STXBP4: variants seen among roughly 807,000 people sequenced by gnomAD.
STXBP4 encodes the protein syntaxin binding protein 4.
Under a neutral mutation model 76.1 loss-of-function variants are expected in STXBP4, and 55 were observed. That is an observed-to-expected ratio of 0.72 (90% confidence interval 0.58 to 0.91). STXBP4 has a LOEUF of 0.91. STXBP4 is among the 40% of genes least tolerant of loss of function. STXBP4 has a pLI of 0.00. For missense variants in STXBP4, 618 were observed against 636.9 expected, an observed-to-expected ratio of 0.97 and a Z score of 0.32; for synonymous variants, 201 against 220.2, an observed-to-expected ratio of 0.91 and a Z score of 0.77.
intron 8 of STXBP4, among the ~76,000 whole-genome samples, chr17:55,008,501 T>G (rs1376629925): frequency 6.6e-6 from 1 of 152,068 alleles, no homozygotes; most frequent in African/African-American, 2.4e-5. Context: ...AAAAGACAGA[T>G]TAACGAGAAA....
intron 1 of STXBP4, among the ~76,000 whole-genome samples, chr17:54,975,192 G>A (rs1425132341): frequency 6.6e-6 from 1 of 152,168 alleles, no homozygotes; most frequent in African/African-American, 2.4e-5. Context: ...AGGCTGGAGT[G>A]CAATGGCATG....
chr17:55,079,600 A>C (rs2079231694), intron 15 of STXBP4, among the ~76,000 whole-genome samples: 2 of 8,314 alleles, frequency 2.4e-4, no homozygotes, highest in East Asian at 0.013. Flanking sequence ...TATCTCTACA[A>C]AAAAAAAAAA....
At position 54,999,752 on chromosome 17, in the gene STXBP4, A is replaced by C; in HGVS notation, c.408A>C (p.Thr136=). ...GAGAATATGGACCTCAAGCCTCAAC[A>C]TTAAGTCTTTTTTCTTCTCCTCCTG... ...ASGEYGPQAS[T]LSLFSSPPEI... The change falls in exon 6 of 18, where the codon ACA becomes ACC. Residue 136 remains threonine, a synonymous_variant. Transcript: ENST00000376352. The C allele has an allele frequency of 6.2e-7, 1 of 1,613,658 alleles. No individual in the cohort carries two copies. The highest frequency in any genetic ancestry group is 8.5e-7 in the Non-Finnish European group (1 of 1,179,738).
chr17:54,989,435 T>C (rs1299329726), intron 3 of STXBP4, among the ~76,000 whole-genome samples: 3 of 152,180 alleles, frequency 2.0e-5, no homozygotes, highest in Non-Finnish European at 4.4e-5. Flanking sequence ...AGTTATTCAA[T>C]GTATTTGAAG....
the STXBP4 span, among the ~76,000 whole-genome samples, chr17:55,210,682 TG>T: frequency 6.6e-6 from 1 of 152,252 alleles, no homozygotes; most frequent in Non-Finnish European, 1.5e-5. Flanking sequence ...GTGTATACTA[TG>T]TGTATTTCCT....
At chr17:55,077,186 T>C (rs1567750834) in intron 13 of STXBP4, among the ~76,000 whole-genome samples, 1 of 152,160 alleles carries the variant, frequency 6.6e-6, no homozygotes, top group Non-Finnish European at 1.5e-5. Context: ...TTCTCATATG[T>C]TTAGTGATTT....
At chr17:55,061,011 T>C (rs2078988000) in intron 12 of STXBP4, among the ~76,000 whole-genome samples, 2 of 152,196 alleles carry the variant, frequency 1.3e-5, no homozygotes, top group Admixed American at 1.3e-4. Flanking sequence ...ATTCTCTGGG[T>C]TCAGATAAGC....
intron 1 of STXBP4, among the ~76,000 whole-genome samples, chr17:54,975,504 T>G (rs1240430263): frequency 6.6e-6 from 1 of 152,172 alleles, no homozygotes; most frequent in Non-Finnish European, 1.5e-5. Flanking sequence ...AAGCACAGTC[T>G]AATTACGTGA....
intron 10 of STXBP4, among the ~76,000 whole-genome samples, chr17:55,041,298 T>C (rs1353245106): frequency 1.3e-5 from 2 of 149,510 alleles, no homozygotes; most frequent in Non-Finnish European, 3.0e-5. Flanking sequence ...TGGTGCAATC[T>C]CGGCTCACTG....
intron 16 of STXBP4, among the ~76,000 whole-genome samples, chr17:55,103,576 T>A (rs1481284828): frequency 2.3e-5 from 3 of 131,304 alleles, no homozygotes; most frequent in African/African-American, 7.8e-5. Context: ...TGCCTCCAGT[T>A]TTGTTTTTTT....
intron 1 of STXBP4, among the ~76,000 whole-genome samples, chr17:54,972,924 G>C (rs2077421150): frequency 6.6e-6 from 1 of 152,168 alleles, no homozygotes; most frequent in Admixed American, 6.5e-5. Flanking sequence ...ATTCATCTCT[G>C]CCTGGTATGT....
chr17:55,075,123 T>C (rs371587227), intron 13 of STXBP4, among the ~76,000 whole-genome samples: 1 of 152,040 alleles, frequency 6.6e-6, no homozygotes, highest in East Asian at 1.9e-4. Flanking sequence ...AGACCCACAG[T>C]GTTTCTCTCC....
At chr17:55,001,936 C>T (rs2077926663) in intron 7 of STXBP4, among the ~76,000 whole-genome samples, 4 of 152,164 alleles carry the variant, frequency 2.6e-5, no homozygotes, top group Non-Finnish European at 4.4e-5. Context: ...GTGCCTGGCT[C>T]AATAGCTACC....
downstream of STXBP4, among the ~76,000 whole-genome samples, chr17:55,178,360 G>T (rs563789858): frequency 6.6e-6 from 1 of 152,258 alleles, no homozygotes; most frequent in East Asian, 1.9e-4. Flanking sequence ...AAGCCACATG[G>T]CATGTGGTTT....
At chr17:55,078,646 C>G (rs1298291130) in intron 14 of STXBP4, 40 bp from the exon 15 acceptor site, 2 of 1,297,306 alleles carry the variant, frequency 1.5e-6, no homozygotes, top group Non-Finnish European at 2.2e-6. Context: ...TAAAAACTGT[C>G]AAACTGATAT....
chr17:55,041,295 A>G (rs1032460618), intron 10 of STXBP4, among the ~76,000 whole-genome samples: 49 of 149,160 alleles, frequency 3.3e-4, no homozygotes, highest in Admixed American at 1.5e-3. Context: ...CAGTGGTGCA[A>G]TCTCGGCTCA....
At chr17:55,036,056 A>C (rs1237675260) in intron 10 of STXBP4, among the ~76,000 whole-genome samples, 3 of 152,016 alleles carry the variant, frequency 2.0e-5, no homozygotes, top group Admixed American at 6.6e-5. Context: ...TTCAAAATGC[A>C]ATACATCGTT....
Position 55,163,402 on chromosome 17 carries a change from A to G in STXBP4, c.*3491A>G, listed in dbSNP as rs1338253075. On this transcript the variant is annotated 3_prime_UTR_variant, in exon 18 of 18. Coordinates refer to ENST00000376352, the MANE Select transcript of STXBP4 (RefSeq NM_178509.6). ...CACATCATTACTCTTCTCTTTTCCT[A>G]CTTTACATGTAATGGTTGCGAGGAC... 18 of 152,004 alleles carry G rather than the reference A, an allele frequency of 1.2e-4. No individual in the cohort carries two copies. Among genetic ancestry groups the G allele is most frequent in the Admixed American group, 1.1e-3 (17 of 15,262 alleles). The allele number at this position is 152,004 out of a possible 1,614,324, so 9.4% of individuals were successfully genotyped here. A position where few individuals can be genotyped will look rare whatever the true frequency, so the allele number is the denominator to read the frequency against.
chr17:54,984,012 T>G (rs1341958571), intron 1 of STXBP4, among the ~76,000 whole-genome samples: 1 of 152,180 alleles, frequency 6.6e-6, no homozygotes, highest in Non-Finnish European at 1.5e-5. Context: ...TGTGGCTTGG[T>G]GGCTTCATTT....
Sources: gnomAD v4.1 joint callset for allele counts (sites outside exome capture counted in the v4.1 genomes callset) on GRCh38, gnomAD v4.1.1 for gene constraint, MANE v1.5 for transcripts, NCBI Gene and HGNC (gene_info 2026-07-23, HGNC 2026-07-21) for gene names.